Variants in LMNA observed in about 807,000 individuals in gnomAD.
The protein encoded by LMNA is lamin A/C.
LMNA carries 20 observed loss-of-function variants against 70.4 expected under a neutral mutation model. The ratio of observed to expected loss-of-function variants is 0.28; its 90% CI spans 0.20 to 0.41. The LOEUF (loss-of-function observed/expected upper bound fraction) is 0.41, where lower values mean the gene tolerates loss of function less well. Ranked by LOEUF, LMNA falls within the 10% of genes least tolerant of loss-of-function variation. The pLI is 1.00. For missense variants in LMNA, 652 were observed against 917.2 expected, an observed-to-expected ratio of 0.71 and a Z score of 3.73; for synonymous variants, 339 against 372.8, an observed-to-expected ratio of 0.91 and a Z score of 1.04.
At position 156,137,399 on chromosome 1, in the gene LMNA, C is replaced by T. The variant is rs1283157429; in HGVS notation, c.1608+167C>T. On this transcript the variant is annotated intron_variant, in intron 9 of 11. Transcript: ENST00000368300. This position sits in a 1 kb window ranked among gnomAD's most constrained non-coding sequence, Gnocchi z 4.6. ...CAGTAGGCAAACCAAAAGATGCTTC[C>T]TCAACAGCACAAGGGGTGGAAGTTA... 3 of 885,470 alleles carry T rather than the reference C, an allele frequency of 3.4e-6. No homozygotes were observed. The highest frequency in any genetic ancestry group is 3.5e-6 in the Non-Finnish European group (2 of 563,666). The allele number at this position is 885,470 out of a possible 1,614,324, so 54.9% of individuals were successfully genotyped here.
At chr1:156,132,588 C>A (rs922606140) in intron 2 of LMNA, among the ~76,000 whole-genome samples, 1 of 152,178 alleles carries the variant, frequency 6.6e-6, no homozygotes. Flanking sequence ...GGATTAGAGT[C>A]AGTGGCCAAG....
chr1:156,100,207 G>C (rs1020667244), intron 3 of LMNA, among the ~76,000 whole-genome samples: 4 of 152,194 alleles, frequency 2.6e-5, no homozygotes, highest in African/African-American at 9.7e-5. Flanking sequence ...TAATGACCTT[G>C]CCATGCTCAC....
chr1:156,096,352 T>C (rs1648940226), intron 3 of LMNA, among the ~76,000 whole-genome samples: 2 of 152,254 alleles, frequency 1.3e-5, no homozygotes, highest in African/African-American at 4.8e-5. Context: ...GAACCTGTTT[T>C]CCCATCTATA....
chr1:156,138,898 G>A lies in LMNA; in HGVS notation c.1968+141G>A, dbSNP rs1651894384. On this transcript the variant is annotated intron_variant, in intron 11 of 11. Coordinates refer to ENST00000368300, the MANE Select transcript of LMNA (RefSeq NM_170707.4). This position sits in a 1 kb window ranked among gnomAD's most constrained non-coding sequence, Gnocchi z 5.5. The stretch of plus-strand genomic sequence containing the variant: ...AGTGGGAGCCTCCTCCCCACAGCCT[G>A]AGTCCTAGACAGCCCACCTCTGCAT... The A allele has an allele frequency of 3.7e-5, 50 of 1,336,400 alleles. No homozygotes were observed. In the South Asian group the frequency reaches 6.1e-4, roughly 16 times the overall value. 82.8% of individuals were successfully genotyped at this position (1,336,400 alleles called of 1,614,324 possible).
chr1:156,094,811 G>A (rs1242383429), intron 3 of LMNA, among the ~76,000 whole-genome samples: 2 of 151,928 alleles, frequency 1.3e-5, no homozygotes, highest in Non-Finnish European at 2.9e-5. Flanking sequence ...CCAGGCTGGA[G>A]TGCAGTGGCA....
Position 156,139,324 on chromosome 1 carries a change from A to ATCTCATCT in LMNA, c.*219_*226dup, listed in dbSNP as rs1651923203. The stretch of plus-strand genomic sequence containing the variant: ...CAAGCAAAAAAAAAAAAAAGCATCT[A>ATCTCATCT]TCTCATCTATCTCAATCCTAATTTC... On this transcript the variant is annotated 3_prime_UTR_variant, in exon 12 of 12. Transcript: ENST00000368300. The ATCTCATCT allele has an allele frequency of 7.1e-7, 1 of 1,412,258 alleles. No homozygotes were observed. 87.5% of individuals were successfully genotyped at this position (1,412,258 alleles called of 1,614,324 possible). A position where few individuals can be genotyped will look rare whatever the true frequency, so the allele number is the denominator to read the frequency against.
chr1:156,102,031 C>G (rs553285219), intron 3 of LMNA, among the ~76,000 whole-genome samples: 43 of 152,316 alleles, frequency 2.8e-4, no homozygotes, highest in Admixed American at 2.8e-3. Context: ...TAAGAATTCT[C>G]AAGAGTGGAA....
chr1:156,094,463 C>T (rs866928326), intron 3 of LMNA, among the ~76,000 whole-genome samples: 5 of 151,980 alleles, frequency 3.3e-5, no homozygotes, highest in African/African-American at 9.7e-5. Flanking sequence ...CTCAGCCTCC[C>T]GAGTAGCTGG....
In LMNA at chr1:156,138,986, G is replaced by T; in HGVS notation, c.1969-94G>T. The stretch of plus-strand genomic sequence containing the variant: ...GGGCAGGGCTGGAGTGTGAGGGATG[G>T]GGGAGATGCTACCTCCCTTCTAGGG... On this transcript the variant is annotated intron_variant, in intron 11 of 11. Transcript: ENST00000368300. The surrounding 1 kb of genome is among the most constrained non-coding windows in gnomAD (Gnocchi z 5.5). 7.1e-7 allele frequency: 1 copy of T among 1,403,404 alleles called. No individual in the cohort carries two copies. The highest frequency in any genetic ancestry group is 1.2e-5 in the South Asian group (1 of 86,636). The allele number at this position is 1,403,404 out of a possible 1,614,324, so 86.9% of individuals were successfully genotyped here. A position where few individuals can be genotyped will look rare whatever the true frequency, so the allele number is the denominator to read the frequency against.
rs1252896260 is a variant in LMNA, at chr1:156,138,446, C to G, written c.1699-42C>G. 6.3e-7 allele frequency: 1 copy of G among 1,598,578 alleles called. No homozygotes were observed. Among genetic ancestry groups the G allele is most frequent in the Non-Finnish European group, 8.5e-7 (1 of 1,174,484 alleles). On this transcript the variant is annotated intron_variant, in intron 10 of 11. Transcript: ENST00000368300. This position sits in a 1 kb window ranked among gnomAD's most constrained non-coding sequence, Gnocchi z 5.5. ...GCCTGGTTGGGCCTGAGTGGTCAGTCCCAGACTCGCCGTCCCGCCTGAGCC... is the reference window on the plus strand; with the variant it reads ...GCCTGGTTGGGCCTGAGTGGTCAGTGCCAGACTCGCCGTCCCGCCTGAGCC...
chr1:156,133,315 G>A (rs1400352109), intron 2 of LMNA, among the ~76,000 whole-genome samples: 1 of 151,746 alleles, frequency 6.6e-6, no homozygotes, highest in Non-Finnish European at 1.5e-5. Flanking sequence ...GCTCACGCCT[G>A]TAATCCCAGC....
At chr1:156,084,819 A>T (rs1648420698) in intron 2 of LMNA, among the ~76,000 whole-genome samples, 1 of 152,220 alleles carries the variant, frequency 6.6e-6, no homozygotes, top group African/African-American at 2.4e-5. Context: ...TCCCACCCTG[A>T]ACTTGCGCTG....
In LMNA at chr1:156,135,328, A is replaced by G. The variant is rs750450280; in HGVS notation, c.936+16A>G. On this transcript the variant is annotated intron_variant, in intron 5 of 11. Coordinates refer to ENST00000368300, the MANE Select transcript of LMNA (RefSeq NM_170707.4). This position sits in a 1 kb window ranked among gnomAD's most constrained non-coding sequence, Gnocchi z 4.8. The stretch of plus-strand genomic sequence containing the variant: ...CCAGAAGCAGGTGATACCCCACCTC[A>G]CCCCTCTCTCCAGGGGCCTAGAGTC... The G allele has an allele frequency of 1.5e-6, 2 of 1,369,610 alleles. No individual in the cohort carries two copies. The highest frequency in any genetic ancestry group is 1.9e-6 in the Non-Finnish European group (2 of 1,027,564). 84.8% of individuals were successfully genotyped at this position (1,369,610 alleles called of 1,614,324 possible). A position where few individuals can be genotyped will look rare whatever the true frequency, so the allele number is the denominator to read the frequency against.
upstream of LMNA, among the ~76,000 whole-genome samples, chr1:156,113,633 C>T (rs2102813905): frequency 1.3e-5 from 2 of 151,986 alleles, no homozygotes; most frequent in South Asian, 4.2e-4. Flanking sequence ...ACCTTCTTGC[C>T]CCCCACTACC....
chr1:156,137,872 T>G lies in LMNA; in HGVS notation c.1698+129T>G. ...AAGAATGTTTTGGAACTTTACTCGC[T>G]GGCCTGGCCTTTCTTCTCTCTCCTC... On this transcript the variant is annotated intron_variant, in intron 10 of 11. Transcript: ENST00000368300. This position sits in a 1 kb window ranked among gnomAD's most constrained non-coding sequence, Gnocchi z 4.6. 2 of 1,519,412 alleles carry G rather than the reference T, an allele frequency of 1.3e-6. No homozygotes were observed. The highest frequency in any genetic ancestry group is 1.2e-5 in the South Asian group (1 of 81,594). The allele number at this position is 1,519,412 out of a possible 1,614,324, so 94.1% of individuals were successfully genotyped here. A position where few individuals can be genotyped will look rare whatever the true frequency, so the allele number is the denominator to read the frequency against.
chr1:156,090,127 A>G (rs919705850), intron 2 of LMNA, among the ~76,000 whole-genome samples: 1 of 152,132 alleles, frequency 6.6e-6, no homozygotes, highest in African/African-American at 2.4e-5. Flanking sequence ...TGTGCCAGGC[A>G]CTGTGCAAGG....
chr1:156,138,098 C>T lies in LMNA; in HGVS notation c.1698+355C>T. On this transcript the variant is annotated intron_variant, in intron 10 of 11. Transcript: ENST00000368300. The surrounding 1 kb of genome is among the most constrained non-coding windows in gnomAD (Gnocchi z 5.5). ...CCCCCATTCTTGTTGCATGCATATC[C>T]TCTCATTTCCCTCATTTTTCCTGCA... is the stretch of plus-strand genomic sequence containing the variant. The T allele has an allele frequency of 1.9e-6, 1 of 518,374 alleles. No homozygotes were observed. 32.1% of individuals were successfully genotyped at this position (518,374 alleles called of 1,614,324 possible).
At chr1:156,106,209 G>C (rs1649339019) in intron 3 of LMNA, among the ~76,000 whole-genome samples, 1 of 152,164 alleles carries the variant, frequency 6.6e-6, no homozygotes, top group Non-Finnish European at 1.5e-5. Flanking sequence ...GCCCACCCTA[G>C]TTTCAGGCTC....
At chr1:156,089,554 T>C (rs1334914574) in intron 2 of LMNA, among the ~76,000 whole-genome samples, 3 of 150,210 alleles carry the variant, frequency 2.0e-5, no homozygotes, top group South Asian at 2.1e-4. Flanking sequence ...TTGGCCTCCA[T>C]TGCACTCCAG....
Sources: gnomAD v4.1 joint callset for allele counts (sites outside exome capture counted in the v4.1 genomes callset) on GRCh38, gnomAD v4.1.1 for gene constraint, Gnocchi (gnomAD v3.1) non-coding constraint, MANE v1.5 for transcripts, NCBI Gene and HGNC (gene_info 2026-07-23, HGNC 2026-07-21) for gene names.